The following ASAP1 variants were observed in gnomAD, a reference collection of about 807,000 sequenced individuals.
ASAP1 encodes arf-GAP with SH3 domain, ANK repeat and PH domain-containing protein 1.
In ASAP1, 43 loss-of-function variants were observed where a neutral mutation model predicts 145.2. The observed-to-expected ratio is 0.30, with a 90% CI of 0.23 to 0.38. The LOEUF is 0.38. Ranked by LOEUF, ASAP1 falls within the 10% of genes least tolerant of loss-of-function variation. The pLI is 1.00. For synonymous variants in ASAP1, 546 were observed against 515.5 expected (o/e 1.06, Z -0.80); for missense variants, 1,018 against 1,355.3 (o/e 0.75, Z 3.91).
In ASAP1 at chr8:130,358,806, C is replaced by T. The variant is rs1251347391; in HGVS notation, c.60-663G>A. 6.6e-6 allele frequency among the ~76,000 whole-genome samples: 1 copy of T among 150,638 alleles called. No homozygotes were observed. Among genetic ancestry groups the T allele is most frequent in the Non-Finnish European group, 1.5e-5 (1 of 67,478 alleles). On this transcript the variant is annotated intron_variant, in intron 2 of 29. Coordinates refer to ENST00000518721, the MANE Select transcript of ASAP1 (RefSeq NM_018482.4). This position sits in a 1 kb window ranked among gnomAD's most constrained non-coding sequence, Gnocchi z 4.1. Reference sequence around the variant, plus strand: ...GGGCCTGGCTCCGAAGCTGCCGCTCCCGACCCCGGCTGCGCGGCACGGGGG... The same window carrying T: ...GGGCCTGGCTCCGAAGCTGCCGCTCTCGACCCCGGCTGCGCGGCACGGGGG...
intron 5 of ASAP1, among the ~76,000 whole-genome samples, chr8:130,194,310 A>G (rs2136269175): frequency 6.6e-6 from 1 of 152,334 alleles, no homozygotes; most frequent in Middle Eastern, 3.4e-3. Context: ...ATAAAGGCAC[A>G]AAGAAAGGTT....
intron 3 of ASAP1, among the ~76,000 whole-genome samples, chr8:130,269,382 A>T (rs965214675): frequency 8.5e-5 from 13 of 152,234 alleles, no homozygotes; most frequent in Non-Finnish European, 1.8e-4. Flanking sequence ...CTCTAGCTCG[A>T]AGGAAGCAAA....
At chr8:130,100,398 C>T (rs975224481) in intron 24 of ASAP1, among the ~76,000 whole-genome samples, 1 of 151,768 alleles carries the variant, frequency 6.6e-6, no homozygotes, top group Non-Finnish European at 1.5e-5. Flanking sequence ...GGTGTGTTCT[C>T]GGCTCACTGC....
At chr8:130,245,233 G>A (rs1818778420) in intron 3 of ASAP1, among the ~76,000 whole-genome samples, 1 of 152,092 alleles carries the variant, frequency 6.6e-6, no homozygotes, top group African/African-American at 2.4e-5. Context: ...TTGAAAGTTG[G>A]TATGTTATCT....
intron 3 of ASAP1, among the ~76,000 whole-genome samples, chr8:130,297,729 G>A (rs541189021): frequency 6.6e-6 from 1 of 152,178 alleles, no homozygotes; most frequent in Non-Finnish European, 1.5e-5. Flanking sequence ...AAAGCGGGGG[G>A]GCGGGGAGCA....
intron 2 of ASAP1, among the ~76,000 whole-genome samples, chr8:130,371,316 T>C (rs1376263460): frequency 6.6e-6 from 1 of 152,196 alleles, no homozygotes; most frequent in Non-Finnish European, 1.5e-5. Flanking sequence ...AACAGAAGTC[T>C]ATCTAATTTC....
At chr8:130,249,723 TGTTTATTTATATATTACTTCCTCCC>T (rs200420720) in intron 3 of ASAP1, among the ~76,000 whole-genome samples, 2 of 152,262 alleles carry the variant, frequency 1.3e-5, no homozygotes, top group East Asian at 3.9e-4. Context: ...CATATGTATG[TGTTTATTTATATATTACTTCCTCCC>T]AGTTGTAGAG....
chr8:130,170,779 G>C (rs1346283278), intron 9 of ASAP1, among the ~76,000 whole-genome samples: 2 of 152,130 alleles, frequency 1.3e-5, no homozygotes, highest in East Asian at 3.9e-4. Flanking sequence ...ACCCACACTG[G>C]AGTGCAGTGG....
intron 9 of ASAP1, among the ~76,000 whole-genome samples, chr8:130,178,762 G>T (rs1394577795): frequency 6.6e-6 from 1 of 152,038 alleles, no homozygotes; most frequent in Non-Finnish European, 1.5e-5. Context: ...GGTGGCGTGC[G>T]CCTGTCATCC....
intron 3 of ASAP1, among the ~76,000 whole-genome samples, chr8:130,305,829 A>G (rs1822959516): frequency 6.6e-6 from 1 of 152,152 alleles, no homozygotes; most frequent in South Asian, 2.1e-4. Context: ...GGACTTTACT[A>G]CCAGCTGTTT....
intron 24 of ASAP1, among the ~76,000 whole-genome samples, chr8:130,111,377 T>G (rs576620834): frequency 6.6e-6 from 1 of 152,098 alleles, no homozygotes; most frequent in Admixed American, 6.6e-5. Context: ...CTCCAAGTAC[T>G]GTCTCTGGAA....
intron 3 of ASAP1, among the ~76,000 whole-genome samples, chr8:130,245,778 C>T (rs1209670382): frequency 1.3e-5 from 2 of 152,102 alleles, no homozygotes; most frequent in African/African-American, 4.8e-5. Context: ...CAGAAGAAAA[C>T]TGGAACTCAA....
At chr8:130,218,175 G>C (rs938281592) in intron 4 of ASAP1, among the ~76,000 whole-genome samples, 1 of 151,584 alleles carries the variant, frequency 6.6e-6, no homozygotes, top group African/African-American at 2.4e-5. Context: ...GGCCAAAGAG[G>C]TCCCACCTTA....
rs541113034 is a variant in ASAP1 at position 130,441,805 on chromosome 8, C to T, written c.-28+1655G>A. 1.4e-4 allele frequency among the ~76,000 whole-genome samples: 22 copies of T among 152,250 alleles called. 1 individual carries two copies. The highest frequency in any genetic ancestry group is 5.3e-4 in the African/African-American group (22 of 41,540). The stretch of plus-strand genomic sequence containing the variant: ...AAGTCCTTTCTCTCCAACATTATCA[C>T]ATACTAAAAATGAAAAACCAGCCAT... On this transcript the variant is annotated intron_variant, in intron 1 of 29. Coordinates refer to ENST00000518721, the MANE Select transcript of ASAP1 (RefSeq NM_018482.4).
At chr8:130,341,134 A>G (rs1825357563) in intron 3 of ASAP1, among the ~76,000 whole-genome samples, 1 of 152,094 alleles carries the variant, frequency 6.6e-6, no homozygotes, top group Non-Finnish European at 1.5e-5. Flanking sequence ...AGCAGAAGGT[A>G]AAGTCGACAC....
At chr8:130,185,288 T>C (rs1263141612) in intron 7 of ASAP1, among the ~76,000 whole-genome samples, 1 of 152,238 alleles carries the variant, frequency 6.6e-6, no homozygotes, top group African/African-American at 2.4e-5. Context: ...ATTCCTGTTA[T>C]ACATTTCCAG....
rs953487836 is a variant in ASAP1, at chr8:130,113,055, G to C, written c.2173-733C>G. 7.2e-5 allele frequency among the ~76,000 whole-genome samples: 11 copies of C among 152,164 alleles called. 1 individual carries two copies. The highest frequency in any genetic ancestry group is 2.6e-4 in the Admixed American group (4 of 15,278). On this transcript the variant is annotated intron_variant, in intron 23 of 29. Transcript: ENST00000518721. The stretch of plus-strand genomic sequence containing the variant: ...AGCCTCCAGAATGGCCCCTTCTCCA[G>C]TTTCCTTCCTCCAGTCCATTCTCCA...
intron 4 of ASAP1, among the ~76,000 whole-genome samples, chr8:130,236,630 A>G (rs555387487): frequency 6.6e-6 from 1 of 152,296 alleles, no homozygotes; most frequent in South Asian, 2.1e-4. Context: ...AAATTCACAC[A>G]GAGATTTTAT....
At chr8:130,069,048 A>G (rs957116094) in intron 27 of ASAP1, among the ~76,000 whole-genome samples, 2 of 152,228 alleles carry the variant, frequency 1.3e-5, no homozygotes, top group African/African-American at 2.4e-5. Flanking sequence ...TGAGAGCCAA[A>G]GGACTCCTCC....
Sources: gnomAD v4.1 joint callset for allele counts (sites outside exome capture counted in the v4.1 genomes callset) on GRCh38, gnomAD v4.1.1 for gene constraint, Gnocchi (gnomAD v3.1) non-coding constraint, MANE v1.5 for transcripts, NCBI Gene and HGNC (gene_info 2026-07-23, HGNC 2026-07-21) for gene names.